CSMD1: variants seen among roughly 807,000 people sequenced by gnomAD.
The protein encoded by CSMD1 is CUB and sushi domain-containing protein 1.
Under a neutral mutation model 417.5 loss-of-function variants are expected in CSMD1, and 213 were observed. That is an observed-to-expected ratio of 0.51 (90% CI 0.46 to 0.57). The LOEUF (loss-of-function observed/expected upper bound fraction) is 0.57. CSMD1 is among the 20% of genes least tolerant of loss of function. CSMD1 has a pLI of 0.00. For missense variants in CSMD1, 6,923 were observed against 4,529.7 expected (o/e 1.53, Z -15.17); for synonymous variants, 2,862 against 1,736.8 (o/e 1.65, Z -16.11).
At chr8:3,855,395 A>G (rs1804227130) in intron 5 of CSMD1, among the ~76,000 whole-genome samples, 1 of 152,168 alleles carries the variant, frequency 6.6e-6, no homozygotes, top group Non-Finnish European at 1.5e-5. Context: ...CAAAATAAAA[A>G]CAACAAAAAT....
intron 23 of CSMD1, among the ~76,000 whole-genome samples, chr8:3,337,596 G>T (rs1807353159): frequency 6.6e-6 from 1 of 152,142 alleles, no homozygotes; most frequent in African/African-American, 2.4e-5. Context: ...GATGTACAGG[G>T]AATGCATATC....
intron 41 of CSMD1, among the ~76,000 whole-genome samples, chr8:3,129,264 A>G (rs1817666744): frequency 6.6e-6 from 1 of 152,220 alleles, no homozygotes; most frequent in Non-Finnish European, 1.5e-5. Flanking sequence ...CTAAATACTG[A>G]TAATTGATTT....
chr8:3,571,255 C>T (rs530296366), intron 10 of CSMD1, among the ~76,000 whole-genome samples: 38 of 152,290 alleles, frequency 2.5e-4, no homozygotes, highest in African/African-American at 8.4e-4. Flanking sequence ...GCTAACAACA[C>T]ACCTGTGAAT....
intron 10 of CSMD1, among the ~76,000 whole-genome samples, chr8:3,545,475 G>C (rs1425847065): frequency 6.6e-6 from 1 of 152,166 alleles, no homozygotes; most frequent in Non-Finnish European, 1.5e-5. Flanking sequence ...CCAGGCCTAG[G>C]TCTACAGACA....
In CSMD1 at chr8:4,535,330, G is replaced by C. The variant is rs557884151; in HGVS notation, c.302+102012C>G. On this transcript the variant is annotated intron_variant, in intron 2 of 69. Coordinates refer to ENST00000635120, the MANE Select transcript of CSMD1 (RefSeq NM_033225.6). ...CTGAAAAATAATATGTAGTTATAGA[G>C]AAAGTATCTTATTTTAGTTTATTTA... is the stretch of plus-strand genomic sequence containing the variant. Among the ~76,000 whole-genome samples, 11 of 152,234 alleles carry C rather than the reference G, an allele frequency of 7.2e-5. No individual in the cohort carries two copies. The South Asian group carries it at 2.3e-3, about 32-fold the overall frequency.
At chr8:4,674,925 A>T (rs1805579986) in intron 1 of CSMD1, among the ~76,000 whole-genome samples, 1 of 152,126 alleles carries the variant, frequency 6.6e-6, no homozygotes, top group African/African-American at 2.4e-5. Context: ...ATAAGAAGAG[A>T]TGCTAGAGAG....
At chr8:2,984,515 A>C (rs1018530983) in intron 54 of CSMD1, among the ~76,000 whole-genome samples, 29 of 152,056 alleles carry the variant, frequency 1.9e-4, no homozygotes, top group African/African-American at 7.0e-4. Flanking sequence ...TGCTCGGCTA[A>C]TTTTTGTATT....
intron 1 of CSMD1, among the ~76,000 whole-genome samples, chr8:4,674,803 G>C (rs930715183): frequency 6.6e-6 from 1 of 152,276 alleles, no homozygotes. Context: ...CAAAATTCAT[G>C]TGTTAAAGTG....
intron 1 of CSMD1, among the ~76,000 whole-genome samples, chr8:4,637,878 G>C (rs1802936420): frequency 1.3e-5 from 2 of 151,384 alleles, no homozygotes; most frequent in South Asian, 2.1e-4. Context: ...CACCTTGTTA[G>C]CCAGGATGGT....
chr8:3,578,578 A>G (rs1030145697), intron 9 of CSMD1, among the ~76,000 whole-genome samples: 4 of 152,212 alleles, frequency 2.6e-5, no homozygotes, highest in African/African-American at 9.6e-5. Context: ...CTGGGAGGTC[A>G]CGAAACGATG....
chr8:2,981,269 T>C (rs935972368), intron 54 of CSMD1, among the ~76,000 whole-genome samples: 25 of 152,354 alleles, frequency 1.6e-4, no homozygotes, highest in Middle Eastern at 3.4e-3. Context: ...CCCATCTGTA[T>C]TTGTTTTGTC....
At chr8:4,753,719 C>T (rs772635577) in intron 1 of CSMD1, among the ~76,000 whole-genome samples, 2 of 152,184 alleles carry the variant, frequency 1.3e-5, no homozygotes, top group Non-Finnish European at 2.9e-5. Flanking sequence ...GCTAATACCA[C>T]CTTCAAGGCA....
intron 8 of CSMD1, among the ~76,000 whole-genome samples, chr8:3,592,008 G>T (rs1489948534): frequency 1.3e-5 from 2 of 152,068 alleles, no homozygotes; most frequent in African/African-American, 2.4e-5. Flanking sequence ...ATGGATAGAT[G>T]ATAGGTAGAT....
chr8:3,616,804 T>C lies in CSMD1; in HGVS notation c.1010-7A>G, dbSNP rs779398275. On this transcript the variant is annotated splice_region_variant and splice_polypyrimidine_tract_variant and intron_variant, in intron 7 of 69. Transcript: ENST00000635120. Reference sequence around the variant, plus strand: ...GCAACACCTCCTTGGCTCACTGTAATAGACAGAAACATTGTCAAAATGCTG... The same window carrying C: ...GCAACACCTCCTTGGCTCACTGTAACAGACAGAAACATTGTCAAAATGCTG... 2.4e-5 allele frequency: 38 copies of C among 1,598,202 alleles called. No individual in the cohort carries two copies. Among genetic ancestry groups the C allele is most frequent in the South Asian group, 5.5e-5 (5 of 90,244 alleles).
intron 5 of CSMD1, among the ~76,000 whole-genome samples, chr8:3,870,077 T>A (rs570770477): frequency 6.6e-6 from 1 of 152,302 alleles, no homozygotes; most frequent in African/African-American, 2.4e-5. Context: ...CTGGGTATAA[T>A]GATTATTAAG....
chr8:4,486,174 TAC>T (rs1186740729), intron 2 of CSMD1, among the ~76,000 whole-genome samples: 3,804 of 14,732 alleles, frequency 0.26, 195 homozygotes, highest in South Asian at 0.34. Context: ...TATATATATA[TAC>T]ATACATATAT....
chr8:4,703,259 G>A (rs191839732), intron 1 of CSMD1, among the ~76,000 whole-genome samples: 1 of 152,316 alleles, frequency 6.6e-6, no homozygotes, highest in Admixed American at 6.5e-5. Flanking sequence ...AATGATGGTG[G>A]AAGTGTGTGG....
intron 3 of CSMD1, among the ~76,000 whole-genome samples, chr8:4,213,545 G>T (rs899084202): frequency 6.6e-6 from 1 of 152,140 alleles, no homozygotes; most frequent in Non-Finnish European, 1.5e-5. Flanking sequence ...GACACACAAC[G>T]TCTAGAAATA....
At chr8:4,652,627 G>A (rs1490151331) in intron 1 of CSMD1, among the ~76,000 whole-genome samples, 1 of 151,944 alleles carries the variant, frequency 6.6e-6, no homozygotes, top group African/African-American at 2.4e-5. Flanking sequence ...ACCACAGCCT[G>A]GAGACAGAGA....
Sources: allele counts gnomAD v4.1 joint callset (sites outside exome capture counted in the v4.1 genomes callset), GRCh38; gene constraint gnomAD v4.1.1; transcripts MANE v1.5; gene names NCBI Gene and HGNC (gene_info 2026-07-23, HGNC 2026-07-21).